The following HIVEP3 variants were observed in gnomAD, a reference collection of about 807,000 sequenced individuals.
HIVEP3 encodes HIVEP zinc finger 3, also known as transcription factor HIVEP3.
Under a neutral mutation model 152.8 loss-of-function variants are expected in HIVEP3, and 49 were observed. The ratio of observed to expected loss-of-function variants is 0.32; its 90% CI spans 0.26 to 0.41. HIVEP3 has a LOEUF of 0.41. HIVEP3 is among the 10% of genes least tolerant of loss of function. The pLI is 1.00. For missense variants in HIVEP3, 2,790 were observed against 3,103.3 expected, an observed-to-expected ratio of 0.90 and a Z score of 2.40; for synonymous variants, 1,269 against 1,289.0, an observed-to-expected ratio of 0.98 and a Z score of 0.33.
At chr1:42,002,528 G>A (rs1215205669) in intron 1 of HIVEP3, among the ~76,000 whole-genome samples, 1 of 152,188 alleles carries the variant, frequency 6.6e-6, no homozygotes, top group Non-Finnish European at 1.5e-5. Flanking sequence ...CAGACTCAAA[G>A]GTAGTAGGGT....
chr1:41,728,491 T>C (rs899143473), intron 1 of HIVEP3, among the ~76,000 whole-genome samples: 6 of 147,104 alleles, frequency 4.1e-5, no homozygotes, highest in African/African-American at 7.6e-5. Flanking sequence ...TAAGGGGGGG[T>C]GAAATGTAAT....
intron 1 of HIVEP3, among the ~76,000 whole-genome samples, chr1:41,784,469 T>A (rs180730313): frequency 5.7e-4 from 87 of 152,344 alleles, no homozygotes; most frequent in Non-Finnish European, 3.5e-4. Context: ...GTGGCTTGCA[T>A]TATATTTCTA....
chr1:41,816,983 T>G (rs1320726021), intron 1 of HIVEP3, among the ~76,000 whole-genome samples: 1 of 152,186 alleles, frequency 6.6e-6, no homozygotes, highest in Admixed American at 6.5e-5. Flanking sequence ...TCTAAGCACA[T>G]CTTTTTGATC....
At chr1:42,016,591 T>C (rs1182543186) in intron 1 of HIVEP3, among the ~76,000 whole-genome samples, 1 of 152,194 alleles carries the variant, frequency 6.6e-6, no homozygotes, top group African/African-American at 2.4e-5. Context: ...GTGATCATTT[T>C]ATGTAAATAG....
chr1:41,586,844 A>G (rs551434161), intron 3 of HIVEP3, among the ~76,000 whole-genome samples: 1 of 152,324 alleles, frequency 6.6e-6, no homozygotes, highest in East Asian at 1.9e-4. Flanking sequence ...CAAAGTAACT[A>G]TAACAAAACC....
At chr1:41,850,050 C>G (rs1041736091) in intron 1 of HIVEP3, among the ~76,000 whole-genome samples, 3 of 152,212 alleles carry the variant, frequency 2.0e-5, no homozygotes, top group Non-Finnish European at 2.9e-5. Flanking sequence ...TAGCATGCAT[C>G]AGAATCATTT....
At chr1:41,750,714 T>TG (rs1647146686) in intron 1 of HIVEP3, among the ~76,000 whole-genome samples, 1 of 151,702 alleles carries the variant, frequency 6.6e-6, no homozygotes, top group Non-Finnish European at 1.5e-5. Flanking sequence ...TTTTTTTTTT[T>TG]TTTGACACGC....
chr1:41,642,851 A>C (rs1377600756), intron 2 of HIVEP3, among the ~76,000 whole-genome samples: 1 of 152,164 alleles, frequency 6.6e-6, no homozygotes. Context: ...CTGGGGTGTC[A>C]GCCAGGGGCC....
At chr1:42,003,987 C>T (rs1219231298) in intron 1 of HIVEP3, among the ~76,000 whole-genome samples, 1 of 152,024 alleles carries the variant, frequency 6.6e-6, no homozygotes, top group African/African-American at 2.4e-5. Context: ...GGTACTAAAT[C>T]CGGGCAGAGT....
At chr1:41,994,078 C>T (rs957766150) in intron 1 of HIVEP3, among the ~76,000 whole-genome samples, 3 of 150,900 alleles carry the variant, frequency 2.0e-5, no homozygotes, top group Admixed American at 1.3e-4. Context: ...TGCAGTGCAC[C>T]AGCATGGCAC....
intron 5 of HIVEP3, among the ~76,000 whole-genome samples, chr1:41,539,552 C>T (rs931692732): frequency 7.9e-5 from 12 of 152,192 alleles, no homozygotes; most frequent in Non-Finnish European, 1.8e-4. Context: ...ATTCCAGCCT[C>T]ACTCCCTTAT....
At chr1:41,940,005 T>C (rs1160164699) in intron 1 of HIVEP3, among the ~76,000 whole-genome samples, 6 of 152,226 alleles carry the variant, frequency 3.9e-5, no homozygotes. Context: ...CTGAGGCACC[T>C]AGCCTTAGGC....
At chr1:41,686,081 GT>G (rs67812771) in intron 2 of HIVEP3, among the ~76,000 whole-genome samples, 2 of 151,394 alleles carry the variant, frequency 1.3e-5, no homozygotes, top group Non-Finnish European at 2.9e-5. Context: ...GTTTTGTTTT[GT>G]TTTTTTTGAG....
At chr1:41,745,313 T>C (rs1647055594) in intron 1 of HIVEP3, among the ~76,000 whole-genome samples, 1 of 152,160 alleles carries the variant, frequency 6.6e-6, no homozygotes, top group Non-Finnish European at 1.5e-5. Flanking sequence ...CTGAAAGATG[T>C]CCCTCAGGGA....
intron 1 of HIVEP3, among the ~76,000 whole-genome samples, chr1:41,862,091 G>A (rs930224951): frequency 7.9e-5 from 12 of 152,130 alleles, no homozygotes; most frequent in Admixed American, 3.9e-4. Context: ...ACACAGGTTC[G>A]AGCAGCTTTA....
chr1:41,540,163 C>A (rs1048916687), intron 5 of HIVEP3, among the ~76,000 whole-genome samples: 1 of 152,248 alleles, frequency 6.6e-6, no homozygotes, highest in Non-Finnish European at 1.5e-5. Context: ...CTGACCAAGG[C>A]TCTCTCTAGT....
chr1:41,571,433 A>G (rs906386145), intron 5 of HIVEP3, among the ~76,000 whole-genome samples: 1 of 152,202 alleles, frequency 6.6e-6, no homozygotes, highest in Non-Finnish European at 1.5e-5. Flanking sequence ...CACATCCCTG[A>G]TGGGCACTCC....
chr1:41,928,382 A>C (rs1262178347), intron 1 of HIVEP3, among the ~76,000 whole-genome samples: 1 of 152,126 alleles, frequency 6.6e-6, no homozygotes, highest in African/African-American at 2.4e-5. Flanking sequence ...TTTTGAAATA[A>C]TTTTAGACTT....
chr1:41,574,483 G>C (rs1644297889), intron 5 of HIVEP3, among the ~76,000 whole-genome samples: 1 of 152,092 alleles, frequency 6.6e-6, no homozygotes, highest in Non-Finnish European at 1.5e-5. Context: ...CCTCTCTCCT[G>C]AGAGCCCCTG....
Sources: gnomAD v4.1 joint callset for allele counts (sites outside exome capture counted in the v4.1 genomes callset) on GRCh38, gnomAD v4.1.1 for gene constraint, MANE v1.5 for transcripts, NCBI Gene and HGNC (gene_info 2026-07-23, HGNC 2026-07-21) for gene names.